Variants in RGL3 observed in about 807,000 individuals in gnomAD.
The protein encoded by RGL3 is ral guanine nucleotide dissociation stimulator-like 3.
RGL3 carries 85 observed loss-of-function variants against 90.6 expected under a neutral mutation model. The observed-to-expected ratio is 0.94, with a 90% confidence interval of 0.79 to 1.12. The LOEUF (loss-of-function observed/expected upper bound fraction) is 1.12, where lower values mean the gene tolerates loss of function less well. Among genes scored for constraint, RGL3 ranks in the 50% most tolerant of loss-of-function variants. RGL3 has a pLI of 0.00. For missense variants in RGL3, 1,034 were observed against 939.2 expected (o/e 1.10, Z -1.32); for synonymous variants, 408 against 385.5 (o/e 1.06, Z -0.68).
chr19:11,417,761 C>T (rs1217991131), intron 2 of RGL3, among the ~76,000 whole-genome samples: 1 of 152,232 alleles, frequency 6.6e-6, no homozygotes, highest in African/African-American at 2.4e-5. Flanking sequence ...TGAGCCACCT[C>T]GCCCCGCCTG....
At chr19:11,418,188 A>G (rs1446163480) in intron 2 of RGL3, among the ~76,000 whole-genome samples, 2 of 130,752 alleles carry the variant, frequency 1.5e-5, no homozygotes, top group Non-Finnish European at 1.6e-5. Context: ...TCCCTCTCCC[A>G]TGCCCTGTCC....
At position 11,416,837 on chromosome 19, in the gene RGL3, C is replaced by T. The variant is rs200532104; in HGVS notation, c.370G>A (p.Gly124Arg). ...LPPMPPPPPPGVEIKKTAVQD... is the reference protein window; with the variant it reads ...LPPMPPPPPPRVEIKKTAVQD... ...CGGAGGTTATGGTTCGCTACTGACC[C>T]GGGAGGTGGGGGCGGTGGCATTGGT... Residue 124 changes from glycine (G) to arginine (R), a missense_variant and splice_region_variant, in exon 3 of 19, where the codon GGG becomes AGG. Physicochemically the swap from Gly to Arg is moderately radical, Grantham distance 125. Coordinates refer to ENST00000380456, the MANE Select transcript of RGL3 (RefSeq NM_001035223.4). 297 of 1,613,162 alleles carry T rather than the reference C, an allele frequency of 1.8e-4. 1 individual carries two copies. Among genetic ancestry groups the T allele is most frequent in the Middle Eastern group, 8.3e-4 (5 of 6,052 alleles).
intron 9 of RGL3, 129 bp from the exon 10 acceptor site, chr19:11,402,835 C>CGATG (rs1461911217): frequency 1.1e-5 from 8 of 747,084 alleles, no homozygotes; most frequent in African/African-American, 7.2e-5. Context: ...AGGCCAGGTG[C>CGATG]GATGGCTCAC....
chr19:11,406,649 G>T lies in RGL3; in HGVS notation c.781-15C>A. ...GAGAAGAGCTCCTGGGCCAGGGGAGGGGTGTGGGATTGGTGCTTAGCAGAA... is the reference window on the plus strand; with the variant it reads ...GAGAAGAGCTCCTGGGCCAGGGGAGTGGTGTGGGATTGGTGCTTAGCAGAA... On this transcript the variant is annotated splice_polypyrimidine_tract_variant and intron_variant, in intron 6 of 18. Coordinates refer to ENST00000380456, the MANE Select transcript of RGL3 (RefSeq NM_001035223.4). 6.3e-7 allele frequency: 1 copy of T among 1,580,410 alleles called. No homozygotes were observed.
At chr19:11,403,256 C>T (rs907390620) in intron 9 of RGL3, among the ~76,000 whole-genome samples, 2 of 150,670 alleles carry the variant, frequency 1.3e-5, no homozygotes, top group African/African-American at 4.8e-5. Context: ...AGGATGGTCT[C>T]GATCTCCTGA....
At position 11,417,007 on chromosome 19, in the gene RGL3, C is replaced by T. The variant is rs1056840906; in HGVS notation, c.200G>A (p.Arg67Lys). Reference sequence around the variant, plus strand: ...CTCCAGGCGCGCTGCCCTCAGCACCCTCACCTTGCTGGTTCGATAGTGGAG... The same window carrying T: ...CTCCAGGCGCGCTGCCCTCAGCACCTTCACCTTGCTGGTTCGATAGTGGAG... ...TFLHYRTSKV[R>K]VLRAARLERL... The change falls in exon 3 of 19, where the codon AGG (arginine) becomes AAG (lysine). Residue 67 changes from arginine to lysine, a missense_variant. Coordinates refer to ENST00000380456, the MANE Select transcript of RGL3 (RefSeq NM_001035223.4). 3.1e-6 allele frequency: 5 copies of T among 1,613,400 alleles called. No individual in the cohort carries two copies. The highest frequency in any genetic ancestry group is 1.7e-5 in the Admixed American group (1 of 59,934).
At chr19:11,414,210 T>TAC (rs1568341609) in intron 5 of RGL3, among the ~76,000 whole-genome samples, 15 of 94,576 alleles carry the variant, frequency 1.6e-4, no homozygotes, top group African/African-American at 5.9e-4. Flanking sequence ...TATATATATA[T>TAC]ACCTTTATAT....
At chr19:11,401,291 T>G (rs1241967990) in intron 13 of RGL3, among the ~76,000 whole-genome samples, 5 of 150,860 alleles carry the variant, frequency 3.3e-5, no homozygotes, top group Admixed American at 6.6e-5. Context: ...TGCAGTGGCG[T>G]GATTTTGGCT....
intron 4 of RGL3, 59 bp from the exon 5 acceptor site, chr19:11,416,207 T>A: frequency 3.4e-5 from 32 of 930,104 alleles, no homozygotes; most frequent in Non-Finnish European, 4.5e-5. Context: ...AGAATATGAC[T>A]CCTGGTACCT....
At chr19:11,397,135 C>T in intron 18 of RGL3, 109 bp downstream of exon 18, 2 of 848,532 alleles carry the variant, frequency 2.4e-6, no homozygotes, top group Non-Finnish European at 3.8e-6. Flanking sequence ...GCCTGAAGCA[C>T]CTCACAGCCC....
In RGL3 at chr19:11,406,441, T is replaced by A; in HGVS notation, c.974A>T (p.Glu325Val). ...CACCTGGGCGATGCGGATCCACTTCTCCAGCCGCTGCGCCCTCTGCGGGGC... is the reference window on the plus strand; with the variant it reads ...CACCTGGGCGATGCGGATCCACTTCACCAGCCGCTGCGCCCTCTGCGGGGC... The part of the protein sequence containing the change: ...LAAPQRAQRL[E>V]KWIRIAQRCR... The change falls in exon 7 of 19, where the codon GAG becomes GTG. Residue 325 changes from glutamate (E) to valine (V), a missense_variant. By Grantham distance (121) the Glu-to-Val change is moderately radical. Transcript: ENST00000380456. The A allele has an allele frequency of 6.5e-7, 1 of 1,541,728 alleles. No homozygotes were observed.
chr19:11,417,059 C>A lies in RGL3; in HGVS notation c.148G>T (p.Ala50Ser). 1.3e-6 allele frequency: 2 copies of A among 1,590,594 alleles called. No homozygotes were observed. Among genetic ancestry groups the A allele is most frequent in the Non-Finnish European group, 1.7e-6 (2 of 1,167,284 alleles). The change falls in exon 3 of 19, where the codon GCT (alanine) becomes TCT (serine). Residue 50 changes from alanine (A) to serine (S), a missense_variant and splice_region_variant. Transcript: ENST00000380456. ...AAGGTATTGGCAATGGGGCTGGGAG[C>A]CTGCAGGAGGGGAGAGGTGGCCATG... is the stretch of plus-strand genomic sequence containing the variant. The part of the protein sequence containing the change: ...SPAEGPGGSQ[A>S]PSPIANTFLH...
Position 11,400,027 on chromosome 19 carries a change from G to A in RGL3, c.1649+13C>T. ...CCATGATCCCCAGTCCCATCACCAA[G>A]CAGAATGCTCACCTGGAGGTGGGGG... On this transcript the variant is annotated intron_variant, in intron 15 of 18. Coordinates refer to ENST00000380456, the MANE Select transcript of RGL3 (RefSeq NM_001035223.4). The A allele has an allele frequency of 6.2e-7, 1 of 1,603,200 alleles. No individual in the cohort carries two copies. Among genetic ancestry groups the A allele is most frequent in the Non-Finnish European group, 8.5e-7 (1 of 1,176,536 alleles).
At chr19:11,418,453 A>C (rs1969041173) in intron 2 of RGL3, 7 of 575,236 alleles carry the variant, frequency 1.2e-5, no homozygotes, top group Middle Eastern at 4.6e-4. Context: ...CCTCTCGGGA[A>C]CTGCGCGGCC....
chr19:11,418,555 TC>T, intron 2 of RGL3, 115 bp downstream of exon 2: 1 of 783,402 alleles, frequency 1.3e-6, no homozygotes, highest in South Asian at 1.8e-5. Context: ...TCTGGTCGCC[TC>T]CGAGCCCCTC....
At chr19:11,400,374 G>T in intron 13 of RGL3, 77 bp from the exon 14 acceptor site, 1 of 1,340,796 alleles carries the variant, frequency 7.5e-7, no homozygotes. Context: ...GGAATCAGTT[G>T]GGAGGTGGGT....
chr19:11,396,154 A>ATT (rs1968566216), intron 18 of RGL3, among the ~76,000 whole-genome samples: 1 of 65,894 alleles, frequency 1.5e-5, no homozygotes, highest in Admixed American at 1.8e-4. Context: ...ATATATATAT[A>ATT]TATATTTTTT....
At chr19:11,401,901 C>T in intron 13 of RGL3, 110 bp downstream of exon 13, 1 of 1,387,644 alleles carries the variant, frequency 7.2e-7, no homozygotes, top group Non-Finnish European at 9.6e-7. Context: ...GGGATCAGGG[C>T]TCAAGAGGGG....
chr19:11,399,168 G>T (rs549058679), intron 16 of RGL3, among the ~76,000 whole-genome samples: 5 of 152,052 alleles, frequency 3.3e-5, no homozygotes, highest in African/African-American at 9.7e-5. Context: ...TTGAACTCCC[G>T]GCCTCAAGCA....
Sources: allele counts gnomAD v4.1 joint callset (sites outside exome capture counted in the v4.1 genomes callset), GRCh38; gene constraint gnomAD v4.1.1; transcripts MANE v1.5; gene names NCBI Gene and HGNC (gene_info 2026-07-23, HGNC 2026-07-21).